GON4L: variants seen among roughly 807,000 people sequenced by gnomAD.
GON4L encodes the protein GON-4-like protein.
Under a neutral mutation model 211.8 loss-of-function variants are expected in GON4L, and 87 were observed. The observed-to-expected ratio is 0.41, with a 90% confidence interval of 0.35 to 0.49. The LOEUF (loss-of-function observed/expected upper bound fraction) is 0.49, where lower values mean the gene tolerates loss of function less well. Among genes scored for constraint, GON4L ranks in the 20% least tolerant of loss-of-function variants. The pLI is 0.15. For synonymous variants in GON4L, 875 were observed against 962.6 expected, an observed-to-expected ratio of 0.91 and a Z score of 1.68; for missense variants, 2,155 against 2,659.5, an observed-to-expected ratio of 0.81 and a Z score of 4.17.
At chr1:155,771,027 T>G in intron 19 of GON4L, 40 bp downstream of exon 19, 1 of 1,613,682 alleles carries the variant, frequency 6.2e-7, no homozygotes, top group East Asian at 2.2e-5. Context: ...TGGGTACATA[T>G]TGGTGAGGTG....
At chr1:155,810,960 A>C (rs1667708170) in intron 10 of GON4L, among the ~76,000 whole-genome samples, 1 of 151,934 alleles carries the variant, frequency 6.6e-6, no homozygotes, top group African/African-American at 2.4e-5. Context: ...CAGATGTTGC[A>C]GTCAGCTGAG....
chr1:155,813,066 T>C (rs1213287343), intron 10 of GON4L, among the ~76,000 whole-genome samples: 5 of 152,022 alleles, frequency 3.3e-5, no homozygotes, highest in Non-Finnish European at 7.4e-5. Flanking sequence ...TTGGGGGAAT[T>C]TGGGTGAAGC....
At chr1:155,780,164 C>T (rs1339061589) in intron 14 of GON4L, among the ~76,000 whole-genome samples, 6 of 152,072 alleles carry the variant, frequency 3.9e-5, no homozygotes, top group Non-Finnish European at 5.9e-5. Flanking sequence ...AATATTTGAA[C>T]CAACCACTCA....
intron 10 of GON4L, among the ~76,000 whole-genome samples, chr1:155,807,297 G>A (rs1203202685): frequency 2.6e-5 from 4 of 152,084 alleles, no homozygotes; most frequent in African/African-American, 4.8e-5. Context: ...CTATGCAAGA[G>A]CCAACGTGGG....
chr1:155,831,856 C>A (rs1669807697), intron 2 of GON4L, among the ~76,000 whole-genome samples: 1 of 151,808 alleles, frequency 6.6e-6, no homozygotes, highest in African/African-American at 2.4e-5. Flanking sequence ...TGGACTATAG[C>A]CTGGATGACA....
chr1:155,815,439 G>T (rs1441275366), intron 8 of GON4L, among the ~76,000 whole-genome samples: 3 of 152,046 alleles, frequency 2.0e-5, no homozygotes, highest in African/African-American at 7.2e-5. Context: ...GAAAAGCAAA[G>T]AAATAATTAC....
At position 155,826,876 on chromosome 1, in the gene GON4L, C is replaced by T. The variant is rs766562658; in HGVS notation, c.658G>A (p.Glu220Lys). 6.2e-7 allele frequency: 1 copy of T among 1,613,598 alleles called. No homozygotes were observed. The highest frequency in any genetic ancestry group is 8.5e-7 in the Non-Finnish European group (1 of 1,179,538). Residue 220 changes from glutamate to lysine, a missense_variant, in exon 3 of 32, where the codon GAG becomes AAG. Coordinates refer to ENST00000368331, the MANE Select transcript of GON4L (RefSeq NM_001282860.2). The stretch of plus-strand genomic sequence containing the variant: ...AGTCCACCATCTTCTATCTCTTCCT[C>T]AGGTTGGTGAAACAGAGTCCTGAGT... ...KPLRTLFHQP[E>K]EEIEDGGLFI...
intron 11 of GON4L, among the ~76,000 whole-genome samples, chr1:155,797,112 T>A (rs971578441): frequency 2.0e-5 from 3 of 151,040 alleles, no homozygotes; most frequent in African/African-American, 4.9e-5. Context: ...CCCACAATAT[T>A]TTTTTTTTCT....
intron 31 of GON4L, among the ~76,000 whole-genome samples, chr1:155,750,997 C>G (rs1660517591): frequency 6.6e-6 from 1 of 152,102 alleles, no homozygotes; most frequent in Non-Finnish European, 1.5e-5. Flanking sequence ...TTCCTGACCT[C>G]AGGTGATCCA....
chr1:155,777,528 G>C, intron 15 of GON4L, 94 bp downstream of exon 15: 2 of 922,296 alleles, frequency 2.2e-6, no homozygotes, highest in Non-Finnish European at 3.6e-6. Flanking sequence ...GAAGTGAGCC[G>C]ATATCGGGCC....
intron 11 of GON4L, among the ~76,000 whole-genome samples, chr1:155,797,517 C>A (rs1335920413): frequency 6.6e-6 from 1 of 151,384 alleles, no homozygotes; most frequent in Non-Finnish European, 1.5e-5. Flanking sequence ...CCGTGCCTGG[C>A]CATAAATAAA....
chr1:155,767,726 C>T (rs1195800270), intron 19 of GON4L, among the ~76,000 whole-genome samples, 185 bp from the exon 20 acceptor site: 1 of 152,076 alleles, frequency 6.6e-6, no homozygotes, highest in Non-Finnish European at 1.5e-5. Context: ...AATACTTGTA[C>T]ATTTCAAATT....
chr1:155,820,452 T>C (rs1240402192), intron 6 of GON4L, among the ~76,000 whole-genome samples, 154 bp downstream of exon 6: 1 of 152,212 alleles, frequency 6.6e-6, no homozygotes, highest in Non-Finnish European at 1.5e-5. Context: ...TCATAGCTTA[T>C]GATCATGTAG....
chr1:155,835,368 C>T (rs1456383541), intron 2 of GON4L, among the ~76,000 whole-genome samples: 4 of 151,980 alleles, frequency 2.6e-5, no homozygotes, highest in Middle Eastern at 3.4e-3. Context: ...AACCAGAGAC[C>T]TTTGTTCACT....
intron 12 of GON4L, 65 bp downstream of exon 12, chr1:155,794,985 T>G: frequency 1.1e-6 from 1 of 945,678 alleles, no homozygotes. Context: ...CCTAAAAATC[T>G]ACAAAGTAAA....
upstream of GON4L, among the ~76,000 whole-genome samples, chr1:155,858,636 G>T (rs74916577): frequency 4.1e-3 from 439 of 107,532 alleles, no homozygotes; most frequent in Middle Eastern, 0.011. Flanking sequence ...TTCATTAGTT[G>T]TTTTTTTTTT....
chr1:155,819,937 GAC>G (rs1490322189), intron 6 of GON4L, among the ~76,000 whole-genome samples: 1 of 151,916 alleles, frequency 6.6e-6, no homozygotes, highest in Non-Finnish European at 1.5e-5. Context: ...GTTTTTTTGA[GAC>G]AGTTTCACTC....
chr1:155,805,237 CT>C, intron 10 of GON4L, 96 bp from the exon 11 acceptor site: 1 of 815,372 alleles, frequency 1.2e-6, no homozygotes, highest in Non-Finnish European at 2.2e-6. Context: ...TAACAGGATC[CT>C]TCCTCTAAAC....
chr1:155,858,984 C>A (rs1039884152), upstream of GON4L, among the ~76,000 whole-genome samples: 4 of 152,012 alleles, frequency 2.6e-5, no homozygotes, highest in Non-Finnish European at 5.9e-5. Context: ...CATGAGCCAC[C>A]GTGCCCGGCT....
Sources: allele counts gnomAD v4.1 joint callset (sites outside exome capture counted in the v4.1 genomes callset), GRCh38; gene constraint gnomAD v4.1.1; transcripts MANE v1.5; gene names NCBI Gene and HGNC (gene_info 2026-07-23, HGNC 2026-07-21).